Variants in TRABD2B observed in about 807,000 individuals in gnomAD.
TRABD2B encodes TraB domain containing 2B.
Under a neutral mutation model 40.1 loss-of-function variants are expected in TRABD2B, and 14 were observed. The observed-to-expected ratio is 0.35, with a 90% CI of 0.23 to 0.55. The LOEUF (loss-of-function observed/expected upper bound fraction) is 0.55. Among genes scored for constraint, TRABD2B ranks in the 20% least tolerant of loss-of-function variants. The probability of loss-of-function intolerance (pLI) is 0.90; values close to 1 mark genes in which losing one functional copy is unlikely to be tolerated. For missense variants in TRABD2B, 541 were observed against 648.6 expected, an observed-to-expected ratio of 0.83 and a Z score of 1.80; for synonymous variants, 263 against 277.0, an observed-to-expected ratio of 0.95 and a Z score of 0.50.
chr1:47,809,094 T>C (rs1403262936), intron 2 of TRABD2B, among the ~76,000 whole-genome samples: 1 of 151,990 alleles, frequency 6.6e-6, no homozygotes, highest in Non-Finnish European at 1.5e-5. Context: ...TGGAAACCTC[T>C]CTCCATCTAC....
chr1:47,861,344 G>C (rs969956429), intron 2 of TRABD2B, among the ~76,000 whole-genome samples: 1 of 151,984 alleles, frequency 6.6e-6, no homozygotes, highest in Non-Finnish European at 1.5e-5. Context: ...GTTGTAAAAC[G>C]TCCTACAATA....
At chr1:47,880,685 T>TGG (rs796571828) in intron 2 of TRABD2B, among the ~76,000 whole-genome samples, 4 of 152,300 alleles carry the variant, frequency 2.6e-5, no homozygotes, top group African/African-American at 9.6e-5. Flanking sequence ...AGGTCTTACC[T>TGG]GGGGAGATGC....
intron 2 of TRABD2B, among the ~76,000 whole-genome samples, chr1:47,870,588 G>A (rs916805395): frequency 2.0e-5 from 3 of 152,268 alleles, no homozygotes; most frequent in Admixed American, 6.5e-5. Flanking sequence ...CAGCACACAC[G>A]GAAGGAAGGA....
intron 2 of TRABD2B, among the ~76,000 whole-genome samples, chr1:47,944,436 A>C (rs920305479): frequency 6.6e-6 from 1 of 152,222 alleles, no homozygotes; most frequent in Non-Finnish European, 1.5e-5. Context: ...GCCAAGACAG[A>C]GTCAGAGGTG....
At chr1:47,917,792 C>A (rs917563971) in intron 2 of TRABD2B, among the ~76,000 whole-genome samples, 20 of 152,092 alleles carry the variant, frequency 1.3e-4, no homozygotes, top group African/African-American at 4.6e-4. Flanking sequence ...TCCCTCTTGT[C>A]TTTTCCTGAA....
chr1:47,944,358 G>A (rs1032276625), intron 2 of TRABD2B, among the ~76,000 whole-genome samples: 3 of 152,206 alleles, frequency 2.0e-5, no homozygotes, highest in African/African-American at 7.2e-5. Flanking sequence ...TTCAGAGCCA[G>A]TGGAGAATGA....
intron 2 of TRABD2B, among the ~76,000 whole-genome samples, chr1:47,952,711 A>G (rs1645363050): frequency 6.6e-6 from 1 of 152,164 alleles, no homozygotes. Context: ...CATTGTGCAG[A>G]GAGAAGGGCC....
intron 2 of TRABD2B, among the ~76,000 whole-genome samples, chr1:47,915,359 T>C (rs1377074383): frequency 1.3e-5 from 2 of 152,126 alleles, no homozygotes; most frequent in Non-Finnish European, 2.9e-5. Flanking sequence ...GTTCACGCAG[T>C]CTTTCAGCGA....
intron 2 of TRABD2B, among the ~76,000 whole-genome samples, chr1:47,936,313 A>C (rs544623446): frequency 6.6e-6 from 1 of 152,214 alleles, no homozygotes; most frequent in African/African-American, 2.4e-5. Context: ...GCAGCCCTAC[A>C]TTAGGGCAGA....
intron 2 of TRABD2B, among the ~76,000 whole-genome samples, chr1:47,897,765 C>T (rs1644543920): frequency 6.6e-6 from 1 of 152,140 alleles, no homozygotes; most frequent in Admixed American, 6.5e-5. Flanking sequence ...AGAGCAGGTA[C>T]CCAATGGGCC....
At chr1:47,914,388 G>A (rs770005274) in intron 2 of TRABD2B, among the ~76,000 whole-genome samples, 12 of 152,194 alleles carry the variant, frequency 7.9e-5, no homozygotes, top group Non-Finnish European at 7.3e-5. Context: ...TCAGGCTACC[G>A]TCCTGGTGAC....
intron 4 of TRABD2B, among the ~76,000 whole-genome samples, chr1:47,794,131 G>C (rs1297809893): frequency 2.6e-5 from 4 of 152,200 alleles, no homozygotes; most frequent in Non-Finnish European, 4.4e-5. Context: ...AAAGAATTGA[G>C]TCTTTGAGAA....
chr1:47,846,100 T>C (rs907340751), intron 2 of TRABD2B, among the ~76,000 whole-genome samples: 4 of 152,216 alleles, frequency 2.6e-5, no homozygotes, highest in Admixed American at 6.5e-5. Context: ...TAATAGCTGC[T>C]ATGCAAAGAC....
chr1:47,787,198 C>A (rs575743045), intron 4 of TRABD2B, among the ~76,000 whole-genome samples: 1 of 152,280 alleles, frequency 6.6e-6, no homozygotes, highest in Non-Finnish European at 1.5e-5. Context: ...GGATCTGCAT[C>A]AGGGAAATTT....
At chr1:47,989,757 CACACACACACACACACAA>C (rs1557698825) in intron 2 of TRABD2B, among the ~76,000 whole-genome samples, 1 of 151,594 alleles carries the variant, frequency 6.6e-6, no homozygotes, top group African/African-American at 2.4e-5. Context: ...CCAACACACA[CACACACACACACACACAA>C]ACACACACAC....
At chr1:47,987,661 A>G (rs1039322603) in intron 2 of TRABD2B, among the ~76,000 whole-genome samples, 4 of 152,348 alleles carry the variant, frequency 2.6e-5, no homozygotes, top group Admixed American at 2.6e-4. Flanking sequence ...GGGGATGGAC[A>G]GAGCTCGCCA....
intron 2 of TRABD2B, among the ~76,000 whole-genome samples, chr1:47,940,164 C>T (rs72692170): frequency 0.2 from 29,959 of 152,216 alleles, 3,421 homozygotes; most frequent in Admixed American, 0.26. Context: ...TAGACCCCTT[C>T]TCTGTCCTAT....
chr1:47,900,104 C>CACCTA (rs1281387582), intron 2 of TRABD2B, among the ~76,000 whole-genome samples: 1 of 152,188 alleles, frequency 6.6e-6, no homozygotes, highest in African/African-American at 2.4e-5. Flanking sequence ...AATAAATATA[C>CACCTA]ATGGAAACCA....
At chr1:47,803,238 C>G (rs948242448) in intron 2 of TRABD2B, among the ~76,000 whole-genome samples, 1 of 152,230 alleles carries the variant, frequency 6.6e-6, no homozygotes, top group African/African-American at 2.4e-5. Context: ...GGCCCTAAAC[C>G]TTAGCCCCTC....
Sources: allele counts gnomAD v4.1 joint callset (sites outside exome capture counted in the v4.1 genomes callset), GRCh38; gene constraint gnomAD v4.1.1; transcripts MANE v1.5; gene names NCBI Gene and HGNC (gene_info 2026-07-23, HGNC 2026-07-21).